The following WDR7 variants were observed in gnomAD, a reference collection of about 807,000 sequenced individuals.
The protein encoded by WDR7 is WD repeat-containing protein 7.
WDR7 carries 46 observed loss-of-function variants against 169.4 expected under a neutral mutation model. The observed-to-expected ratio is 0.27, with a 90% CI of 0.21 to 0.35. The LOEUF (loss-of-function observed/expected upper bound fraction) is 0.35. Among genes scored for constraint, WDR7 ranks in the 10% least tolerant of loss-of-function variants. WDR7 has a pLI of 1.00. For missense variants in WDR7, 1,534 were observed against 1,859.3 expected (o/e 0.83, Z 3.22); for synonymous variants, 612 against 666.8 (o/e 0.92, Z 1.27).
intron 20 of WDR7, among the ~76,000 whole-genome samples, chr18:56,833,998 G>C (rs2145295632): frequency 6.6e-6 from 1 of 152,272 alleles, no homozygotes; most frequent in East Asian, 1.9e-4. Flanking sequence ...CATTAACCAT[G>C]GCTAAGTCTT....
chr18:56,769,493 C>T (rs1260839160), intron 16 of WDR7, among the ~76,000 whole-genome samples: 1 of 152,176 alleles, frequency 6.6e-6, no homozygotes, highest in Non-Finnish European at 1.5e-5. Flanking sequence ...GCCTCTGTGC[C>T]TGACTGTTCT....
downstream of WDR7, chr18:57,030,378 A>G (rs1042115020): frequency 2.0e-5 from 3 of 152,238 alleles, no homozygotes; most frequent in African/African-American, 7.2e-5. Flanking sequence ...TTCGGTGAAC[A>G]TTCCAGGAGT....
At chr18:56,921,763 TG>T (rs2046724690) in intron 21 of WDR7, among the ~76,000 whole-genome samples, 1 of 152,206 alleles carries the variant, frequency 6.6e-6, no homozygotes, top group African/African-American at 2.4e-5. Flanking sequence ...AGAACAGTGA[TG>T]GAAAATATCA....
At chr18:56,671,380 C>G (rs942151906) in intron 1 of WDR7, among the ~76,000 whole-genome samples, 1 of 151,684 alleles carries the variant, frequency 6.6e-6, no homozygotes, top group Non-Finnish European at 1.5e-5. Context: ...CCTCTGCCTC[C>G]CAGGTTCAAG....
Position 57,028,610 on chromosome 18 carries a change from A to G in WDR7, c.*1403A>G, listed in dbSNP as rs1005580132. Reference sequence around the variant, plus strand: ...TGAAGTTTACAAAGGAACCAAAATGATAATGGGAGAATTTAGTCTTAAAAG... The same window carrying G: ...TGAAGTTTACAAAGGAACCAAAATGGTAATGGGAGAATTTAGTCTTAAAAG... On this transcript the variant is annotated 3_prime_UTR_variant, in exon 28 of 28. Coordinates refer to ENST00000254442, the MANE Select transcript of WDR7 (RefSeq NM_015285.3). 8 of 152,230 alleles carry G rather than the reference A, an allele frequency of 5.3e-5. No homozygotes were observed. The highest frequency in any genetic ancestry group is 1.0e-4 in the Non-Finnish European group (7 of 68,032). 9.4% of individuals were successfully genotyped at this position (152,230 alleles called of 1,614,324 possible). A position where few individuals can be genotyped will look rare whatever the true frequency, so the allele number is the denominator to read the frequency against.
chr18:56,722,850 C>G (rs1018265630), intron 13 of WDR7, among the ~76,000 whole-genome samples: 2 of 152,044 alleles, frequency 1.3e-5, no homozygotes, highest in East Asian at 1.9e-4. Context: ...AATTTATGGC[C>G]ATATTTTTCC....
chr18:56,869,535 C>A (rs1014212518), intron 20 of WDR7, among the ~76,000 whole-genome samples: 5 of 152,134 alleles, frequency 3.3e-5, no homozygotes, highest in Admixed American at 6.5e-5. Flanking sequence ...AGATGTGTCA[C>A]AAAGTAACTC....
chr18:57,017,412 CTGTGTGTGTGTGTGTGTGTG>C (rs10571337), intron 26 of WDR7, among the ~76,000 whole-genome samples: 3 of 143,660 alleles, frequency 2.1e-5, no homozygotes, highest in African/African-American at 5.3e-5. Context: ...CAGCATCATG[CTGTGTGTGTGTGTGTGTGTG>C]TGTGTGTGTG....
intron 20 of WDR7, among the ~76,000 whole-genome samples, chr18:56,829,982 C>G (rs2045280717): frequency 6.6e-6 from 1 of 152,136 alleles, no homozygotes; most frequent in Admixed American, 6.6e-5. Flanking sequence ...AGTCAAATGT[C>G]CAACAAGTCT....
intron 20 of WDR7, among the ~76,000 whole-genome samples, chr18:56,861,131 T>C (rs1029937875): frequency 1.3e-5 from 2 of 152,224 alleles, no homozygotes; most frequent in Non-Finnish European, 2.9e-5. Context: ...GTTTATATTC[T>C]TTTTCTAATC....
intron 14 of WDR7, among the ~76,000 whole-genome samples, chr18:56,734,811 G>A (rs1232370703): frequency 9.9e-5 from 15 of 152,016 alleles, no homozygotes; most frequent in Admixed American, 7.2e-4. Context: ...CTTCAGGACA[G>A]CAGTTCAGTT....
chr18:56,725,582 A>C (rs979850606), intron 13 of WDR7, among the ~76,000 whole-genome samples: 9 of 151,848 alleles, frequency 5.9e-5, no homozygotes, highest in African/African-American at 2.2e-4. Flanking sequence ...GATTGCAAAA[A>C]TTTTCTCCCA....
At chr18:56,739,626 G>C (rs975918047) in intron 14 of WDR7, among the ~76,000 whole-genome samples, 1 of 152,002 alleles carries the variant, frequency 6.6e-6, no homozygotes, top group Non-Finnish European at 1.5e-5. Context: ...TATTGGCATT[G>C]AATTTTCTCA....
At chr18:56,820,424 T>C (rs1030633890) in intron 20 of WDR7, among the ~76,000 whole-genome samples, 3 of 145,140 alleles carry the variant, frequency 2.1e-5, no homozygotes, top group Non-Finnish European at 4.5e-5. Flanking sequence ...GCAGCAATGA[T>C]ACGTGGATCC....
chr18:56,929,393 TCATAA>T (rs1195514542), intron 22 of WDR7, among the ~76,000 whole-genome samples: 1 of 152,254 alleles, frequency 6.6e-6, no homozygotes, highest in African/African-American at 2.4e-5. Context: ...TCTTATTTAC[TCATAA>T]CATTTGCCAA....
Position 56,685,949 on chromosome 18 carries a change from A to G in WDR7, c.521-7A>G, listed in dbSNP as rs1568136038. ...CTGGGCTGCTTTTTTGTCCCTTCTC[A>G]TTTTAGAGGACACAGTGGTAGCACT... On this transcript the variant is annotated splice_polypyrimidine_tract_variant and splice_region_variant and intron_variant, in intron 5 of 27. Transcript: ENST00000254442. 1 of 1,595,356 alleles carries G rather than the reference A, an allele frequency of 6.3e-7. No individual in the cohort carries two copies. Among genetic ancestry groups the G allele is most frequent in the East Asian group, 2.3e-5 (1 of 44,142 alleles).
intron 19 of WDR7, among the ~76,000 whole-genome samples, chr18:56,793,914 A>G (rs1322648520): frequency 6.6e-6 from 1 of 152,186 alleles, no homozygotes; most frequent in African/African-American, 2.4e-5. Flanking sequence ...AACAGGGACC[A>G]TTTCAGAGAA....
intron 26 of WDR7, among the ~76,000 whole-genome samples, chr18:56,974,276 A>C (rs1304524130): frequency 6.6e-6 from 1 of 152,060 alleles, no homozygotes. Context: ...TGCCAAGCAC[A>C]ACTAGCATTA....
chr18:56,767,574 T>G (rs2044086966), intron 16 of WDR7, among the ~76,000 whole-genome samples: 1 of 152,216 alleles, frequency 6.6e-6, no homozygotes, highest in South Asian at 2.1e-4. Context: ...CATTTTGTCA[T>G]TTTGTTTGTT....
Sources: allele counts gnomAD v4.1 joint callset (sites outside exome capture counted in the v4.1 genomes callset), GRCh38; gene constraint gnomAD v4.1.1; transcripts MANE v1.5; gene names NCBI Gene and HGNC (gene_info 2026-07-23, HGNC 2026-07-21).